The following CSMD1 variants were observed in gnomAD, a reference collection of about 807,000 sequenced individuals.
CSMD1 encodes CUB and Sushi multiple domains 1.
Under a neutral mutation model 417.5 loss-of-function variants are expected in CSMD1, and 213 were observed. The observed-to-expected ratio is 0.51, with a 90% CI of 0.46 to 0.57. CSMD1 has a LOEUF of 0.57. Among genes scored for constraint, CSMD1 ranks in the 20% least tolerant of loss-of-function variants. CSMD1 has a pLI of 0.00. For missense variants in CSMD1, 6,923 were observed against 4,529.7 expected (o/e 1.53, Z -15.17); for synonymous variants, 2,862 against 1,736.8 (o/e 1.65, Z -16.11).
intron 5 of CSMD1, among the ~76,000 whole-genome samples, chr8:3,948,445 C>G (rs1357522567): frequency 1.3e-5 from 2 of 152,066 alleles, no homozygotes; most frequent in East Asian, 1.9e-4. Flanking sequence ...TTGTGACACA[C>G]TTTGAATGTG....
chr8:3,142,426 A>G (rs779216725), intron 41 of CSMD1, 39 bp downstream of exon 41: 1 of 1,485,550 alleles, frequency 6.7e-7, no homozygotes, highest in Non-Finnish European at 9.3e-7. Flanking sequence ...TAAGAAGTGT[A>G]TTTAGATTTG....
intron 7 of CSMD1, among the ~76,000 whole-genome samples, chr8:3,692,799 C>T (rs1317719891): frequency 6.6e-6 from 1 of 152,118 alleles, no homozygotes; most frequent in East Asian, 1.9e-4. Context: ...ATTCTGAGAC[C>T]TCTGGACCCT....
At chr8:3,838,338 C>A (rs73172270) in intron 5 of CSMD1, among the ~76,000 whole-genome samples, 23,856 of 151,606 alleles carry the variant, frequency 0.16, 2,053 homozygotes, top group Middle Eastern at 0.21. Flanking sequence ...TAGTTCCAGA[C>A]CAGCCTGGGT....
At chr8:3,097,127 T>C in intron 46 of CSMD1, 90 bp from the exon 47 acceptor site, 3 of 1,100,020 alleles carry the variant, frequency 2.7e-6, no homozygotes, top group Non-Finnish European at 3.8e-6. Context: ...AACAAGTCAA[T>C]GAAAGGAAAA....
intron 1 of CSMD1, among the ~76,000 whole-genome samples, chr8:4,761,909 AT>A (rs1563319708): frequency 6.1e-4 from 43 of 70,768 alleles, no homozygotes; most frequent in Middle Eastern, 0.017. Flanking sequence ...CTATCTATCT[AT>A]CAATCTATCT....
chr8:3,674,070 C>A (rs1214284653), intron 7 of CSMD1, among the ~76,000 whole-genome samples: 1 of 152,100 alleles, frequency 6.6e-6, no homozygotes, highest in African/African-American at 2.4e-5. Context: ...AATGTCATTG[C>A]ACTCCAGCTT....
chr8:4,871,331 A>G (rs1802728395), intron 1 of CSMD1, among the ~76,000 whole-genome samples: 1 of 152,054 alleles, frequency 6.6e-6, no homozygotes, highest in Non-Finnish European at 1.5e-5. Context: ...AGATTTTCTG[A>G]TGCTTCCAGC....
At chr8:3,574,605 T>C (rs1027373199) in intron 10 of CSMD1, among the ~76,000 whole-genome samples, 8 of 152,198 alleles carry the variant, frequency 5.3e-5, no homozygotes, top group Non-Finnish European at 1.0e-4. Context: ...TTAGTCATAC[T>C]ATGCATAAAT....
intron 7 of CSMD1, among the ~76,000 whole-genome samples, chr8:3,658,643 C>T (rs1022682264): frequency 4.0e-5 from 6 of 151,790 alleles, no homozygotes; most frequent in East Asian, 1.9e-4. Context: ...ATCAGTTGGG[C>T]GTGGTGGTGC....
chr8:4,233,255 T>C (rs1801851917), intron 3 of CSMD1, among the ~76,000 whole-genome samples: 1 of 152,206 alleles, frequency 6.6e-6, no homozygotes, highest in African/African-American at 2.4e-5. Flanking sequence ...ACAGGGAAGA[T>C]CAGCTTCTTT....
At chr8:4,344,782 C>T (rs1251435176) in intron 3 of CSMD1, among the ~76,000 whole-genome samples, 4 of 152,034 alleles carry the variant, frequency 2.6e-5, no homozygotes, top group Non-Finnish European at 5.9e-5. Context: ...AACATGTTTA[C>T]CAGCAAGAAA....
At chr8:4,071,652 G>C (rs561201440) in intron 3 of CSMD1, among the ~76,000 whole-genome samples, 139 of 152,222 alleles carry the variant, frequency 9.1e-4, no homozygotes, top group South Asian at 7.7e-3. Flanking sequence ...GAAATATGTG[G>C]AGTGATTAGT....
intron 1 of CSMD1, among the ~76,000 whole-genome samples, chr8:4,979,370 G>C (rs1472400826): frequency 1.3e-5 from 2 of 152,134 alleles, no homozygotes; most frequent in South Asian, 2.1e-4. Context: ...AAGAAACCAA[G>C]TGTCAAGAAG....
At chr8:4,795,718 C>T (rs781161495) in intron 1 of CSMD1, among the ~76,000 whole-genome samples, 1 of 152,132 alleles carries the variant, frequency 6.6e-6, no homozygotes, top group African/African-American at 2.4e-5. Flanking sequence ...GGCGGAGAGG[C>T]ATCCTGACAG....
intron 7 of CSMD1, among the ~76,000 whole-genome samples, chr8:3,641,378 G>A (rs752656500): frequency 2.6e-5 from 4 of 152,038 alleles, no homozygotes; most frequent in Non-Finnish European, 5.9e-5. Context: ...CTTCGCTAAC[G>A]TCAGACTGAG....
chr8:3,602,716 T>TACACACAC lies in CSMD1; in HGVS notation c.1097+13986_1097+13993dup, dbSNP rs34593924. Among the ~76,000 whole-genome samples, 73 of 146,612 alleles carry TACACACAC rather than the reference T, an allele frequency of 5.0e-4. 1 individual carries two copies. Among genetic ancestry groups the TACACACAC allele is most frequent in the African/African-American group, 4.0e-4 (16 of 40,066 alleles). On this transcript the variant is annotated intron_variant, in intron 8 of 69. Transcript: ENST00000635120. ...CAACCCATTCTTTTACAGGAAGAATTACACACACACACACACACACACACA... is the reference window on the plus strand; with the variant it reads ...CAACCCATTCTTTTACAGGAAGAATTACACACACACACACACACACACACACACACACA...
chr8:3,966,886 G>C lies in CSMD1; in HGVS notation c.818+31017C>G, dbSNP rs575799196. Among the ~76,000 whole-genome samples, 9 of 152,338 alleles carry C rather than the reference G, an allele frequency of 5.9e-5. No individual in the cohort carries two copies. The South Asian group carries it at 1.2e-3, about 21-fold the overall frequency. ...TGCATACAACACACTGGATGTATCAGATTTTCAGTATGACTTGAATGCCGA... is the reference window on the plus strand; with the variant it reads ...TGCATACAACACACTGGATGTATCACATTTTCAGTATGACTTGAATGCCGA... On this transcript the variant is annotated intron_variant, in intron 5 of 69. Coordinates refer to ENST00000635120, the MANE Select transcript of CSMD1 (RefSeq NM_033225.6).
intron 7 of CSMD1, among the ~76,000 whole-genome samples, chr8:3,692,801 C>G (rs1384251675): frequency 2.0e-5 from 3 of 152,170 alleles, no homozygotes; most frequent in Non-Finnish European, 2.9e-5. Context: ...TCTGAGACCT[C>G]TGGACCCTAA....
At chr8:4,156,185 G>A (rs748067747) in intron 3 of CSMD1, among the ~76,000 whole-genome samples, 74 of 152,262 alleles carry the variant, frequency 4.9e-4, no homozygotes, top group African/African-American at 1.4e-3. Context: ...GTGGGAACAA[G>A]GTTTCATATC....
Sources: allele counts gnomAD v4.1 joint callset (sites outside exome capture counted in the v4.1 genomes callset), GRCh38; gene constraint gnomAD v4.1.1; transcripts MANE v1.5; gene names NCBI Gene and HGNC (gene_info 2026-07-23, HGNC 2026-07-21).